The following RHBDL3 variants were observed in gnomAD, a reference collection of about 807,000 sequenced individuals.
The protein encoded by RHBDL3 is rhomboid-related protein 3.
A neutral mutation model predicts 48.2 loss-of-function variants in RHBDL3; 28 were observed. The ratio of observed to expected loss-of-function variants is 0.58; its 90% CI spans 0.43 to 0.80. The LOEUF is 0.80. Among genes scored for constraint, RHBDL3 ranks in the 30% least tolerant of loss-of-function variants. The pLI, the probability that RHBDL3 is intolerant of heterozygous loss-of-function variation, is 0.00. For synonymous variants in RHBDL3, 208 were observed against 232.3 expected, an observed-to-expected ratio of 0.90 and a Z score of 0.95; for missense variants, 464 against 542.7, an observed-to-expected ratio of 0.85 and a Z score of 1.44.
chr17:32,280,503 G>A (rs1471126277), intron 2 of RHBDL3: 1 of 152,196 alleles, frequency 6.6e-6, no homozygotes, highest in Non-Finnish European at 1.5e-5. Context: ...AGGAAGGGTA[G>A]GATATGTGCC....
chr17:32,287,270 G>A (rs1336161862), intron 3 of RHBDL3, among the ~76,000 whole-genome samples: 1 of 152,250 alleles, frequency 6.6e-6, no homozygotes, highest in African/African-American at 2.4e-5. Context: ...CCCCTGTGCA[G>A]GTGCATCCTC....
chr17:32,320,324 G>T (rs1477845118), intron 8 of RHBDL3, among the ~76,000 whole-genome samples: 2 of 151,928 alleles, frequency 1.3e-5, no homozygotes, highest in Non-Finnish European at 1.5e-5. Flanking sequence ...TGGGGTCAGG[G>T]TTTTCTTTTT....
At chr17:32,310,883 C>CA (rs11348841) in intron 7 of RHBDL3, among the ~76,000 whole-genome samples, 1,780 of 55,236 alleles carry the variant, frequency 0.032, 118 homozygotes, top group Admixed American at 0.043. Context: ...GGCTCCATCT[C>CA]AAAAAAAAAA....
Position 32,267,882 on chromosome 17 carries a change from A to G in RHBDL3, c.112-20A>G, listed in dbSNP as rs746645099. 2 of 1,613,942 alleles carry G rather than the reference A, an allele frequency of 1.2e-6. No homozygotes were observed. The highest frequency in any genetic ancestry group is 2.7e-5 in the African/African-American group (2 of 75,006). ...TTCTCTCCTCTTCTTCCTCTCCTGC[A>G]TGGCCTCCCTCTCTGCCAGCACTGG... On this transcript the variant is annotated intron_variant, in intron 1 of 8. Transcript: ENST00000269051.
At chr17:32,305,780 T>C (rs1409420247) in intron 7 of RHBDL3, among the ~76,000 whole-genome samples, 1 of 144,364 alleles carries the variant, frequency 6.9e-6, no homozygotes, top group Non-Finnish European at 1.5e-5. Flanking sequence ...TAGCCAGGCG[T>C]GGTGGCATGC....
chr17:32,297,597 G>A (rs1362322230), intron 5 of RHBDL3, among the ~76,000 whole-genome samples: 1 of 151,354 alleles, frequency 6.6e-6, no homozygotes, highest in African/African-American at 2.4e-5. Flanking sequence ...AACTGTGGCT[G>A]GTCACTATCT....
At chr17:32,307,460 A>C (rs539274277) in intron 7 of RHBDL3, among the ~76,000 whole-genome samples, 2 of 152,084 alleles carry the variant, frequency 1.3e-5, no homozygotes, top group Non-Finnish European at 2.9e-5. Context: ...CCTGCTCCCA[A>C]CCCTGTCCCT....
At chr17:32,317,926 G>A (rs1183227676) in intron 8 of RHBDL3, among the ~76,000 whole-genome samples, 1 of 152,074 alleles carries the variant, frequency 6.6e-6, no homozygotes, top group Non-Finnish European at 1.5e-5. Context: ...ATGGAGGTAG[G>A]GGTCGGGCAG....
chr17:32,300,296 C>G (rs2040552125), intron 6 of RHBDL3, among the ~76,000 whole-genome samples: 1 of 152,122 alleles, frequency 6.6e-6, no homozygotes, highest in Non-Finnish European at 1.5e-5. Context: ...ACCTGTAATC[C>G]CAATACTTTG....
At chr17:32,281,108 G>A (rs576480834) in intron 2 of RHBDL3, among the ~76,000 whole-genome samples, 2 of 152,328 alleles carry the variant, frequency 1.3e-5, no homozygotes, top group East Asian at 3.9e-4. Context: ...GCCATGAAAG[G>A]TAGAGTTTTG....
intron 4 of RHBDL3, among the ~76,000 whole-genome samples, chr17:32,293,118 G>A (rs906142032): frequency 1.7e-4 from 25 of 148,504 alleles, no homozygotes; most frequent in Admixed American, 7.5e-4. Flanking sequence ...GGTAGCTAGA[G>A]TAGTCAAATT....
chr17:32,293,522 C>T (rs906949195), intron 4 of RHBDL3, among the ~76,000 whole-genome samples: 1 of 150,246 alleles, frequency 6.7e-6, no homozygotes, highest in African/African-American at 2.5e-5. Context: ...GCGGAGGTTG[C>T]AGTGAGCCAA....
intron 4 of RHBDL3, among the ~76,000 whole-genome samples, chr17:32,290,233 C>G (rs1324248273): frequency 6.6e-6 from 1 of 152,188 alleles, no homozygotes; most frequent in East Asian, 1.9e-4. Context: ...TTATAGCTTC[C>G]TTCTCTAAGT....
Position 32,321,095 on chromosome 17 carries a change from T to C in RHBDL3, c.1081T>C (p.Tyr361His), listed in dbSNP as rs767611861. ...CCTGGGCGTGGTGGTCCTGAGGAAC[T>C]ACGAGCAGAGGCTCCAGGACCAGTC... ...ITLGVVVLRN[Y>H]EQRLQDQSLW... The change falls in exon 9 of 9, where the codon TAC becomes CAC. Residue 361 changes from tyrosine to histidine, a missense_variant. By Grantham distance (83) the Tyr-to-His change is moderately conservative. Transcript: ENST00000269051. The C allele has an allele frequency of 1.9e-6, 3 of 1,614,246 alleles. No individual in the cohort carries two copies. The Admixed American group carries it at 5.0e-5, about 27-fold the overall frequency.
chr17:32,302,428 C>T (rs1050084969), intron 6 of RHBDL3, among the ~76,000 whole-genome samples: 2 of 152,042 alleles, frequency 1.3e-5, no homozygotes, highest in African/African-American at 4.8e-5. Flanking sequence ...ACGATCTCGG[C>T]TCACTGCAAC....
chr17:32,299,077 G>A (rs1005246481), intron 6 of RHBDL3, among the ~76,000 whole-genome samples: 5 of 142,086 alleles, frequency 3.5e-5, no homozygotes, highest in South Asian at 2.3e-4. Context: ...AAGGTTTGCC[G>A]CCTCAGCTCT....
chr17:32,284,559 G>A, intron 2 of RHBDL3, 100 bp from the exon 3 acceptor site: 2 of 1,175,674 alleles, frequency 1.7e-6, no homozygotes, highest in South Asian at 1.4e-5. Flanking sequence ...AGGGGCTGGG[G>A]ACTAAAGCCA....
At chr17:32,294,252 G>A (rs367649120) in intron 4 of RHBDL3, 42 bp from the exon 5 acceptor site, 193 of 1,587,056 alleles carry the variant, frequency 1.2e-4, no homozygotes, top group Middle Eastern at 1.2e-3. Flanking sequence ...AAGTTTCCTG[G>A]GCAGTGTGCA....
chr17:32,278,084 G>A (rs2039955887), intron 2 of RHBDL3, among the ~76,000 whole-genome samples: 1 of 152,036 alleles, frequency 6.6e-6, no homozygotes, highest in Admixed American at 6.6e-5. Context: ...GATCACTTGA[G>A]GTCAGGAGTT....
Sources: allele counts gnomAD v4.1 joint callset (sites outside exome capture counted in the v4.1 genomes callset), GRCh38; gene constraint gnomAD v4.1.1; transcripts MANE v1.5; gene names NCBI Gene and HGNC (gene_info 2026-07-23, HGNC 2026-07-21).